PHLPP1: variants seen among roughly 807,000 people sequenced by gnomAD.
PHLPP1 encodes PH domain leucine-rich repeat-containing protein phosphatase 1.
Under a neutral mutation model 117.2 loss-of-function variants are expected in PHLPP1, and 42 were observed. The ratio of observed to expected loss-of-function variants is 0.36; its 90% CI spans 0.28 to 0.46. The LOEUF (loss-of-function observed/expected upper bound fraction) is 0.46, where lower values mean the gene tolerates loss of function less well. Ranked by LOEUF, PHLPP1 falls within the 20% of genes least tolerant of loss-of-function variation. PHLPP1 has a pLI of 1.00. For missense variants in PHLPP1, 2,084 were observed against 2,241.9 expected (o/e 0.93, Z 1.42); for synonymous variants, 1,042 against 970.7 (o/e 1.07, Z -1.37).
chr18:62,945,874 G>A (rs983366020), intron 12 of PHLPP1, among the ~76,000 whole-genome samples: 1 of 152,206 alleles, frequency 6.6e-6, no homozygotes, highest in Non-Finnish European at 1.5e-5. Flanking sequence ...CAGCAAATTG[G>A]TAGCAGAGGT....
At chr18:62,894,906 G>A in intron 4 of PHLPP1, 105 bp from the exon 5 acceptor site, 1 of 970,112 alleles carries the variant, frequency 1.0e-6, no homozygotes, top group African/African-American at 1.6e-5. Context: ...TTCCTCTTTA[G>A]TTGAATTTGG....
At chr18:62,806,389 T>G (rs998334220) in intron 1 of PHLPP1, among the ~76,000 whole-genome samples, 1 of 152,226 alleles carries the variant, frequency 6.6e-6, no homozygotes, top group Admixed American at 6.5e-5. Flanking sequence ...GATTTATGCT[T>G]GTTCTTTTCT....
chr18:62,860,542 A>G lies in PHLPP1; in HGVS notation c.2007A>G (p.Gln669=). 1 of 1,613,852 alleles carries G rather than the reference A, an allele frequency of 6.2e-7. No homozygotes were observed. Among genetic ancestry groups the G allele is most frequent in the Non-Finnish European group, 8.5e-7 (1 of 1,179,840 alleles). Residue 669 remains glutamine, a synonymous_variant, in exon 4 of 17, where the codon CAA becomes CAG. Transcript: ENST00000262719. ...ACCTCACTCATCTCAATTTAAAACA[A>G]AACTTCCTAAGGCAGAACCCTAGCC... ...SQDLTHLNLK[Q]NFLRQNPSLP...
intron 1 of PHLPP1, among the ~76,000 whole-genome samples, chr18:62,823,587 ATATAT>A (rs1914526954): frequency 6.8e-6 from 1 of 147,776 alleles, no homozygotes; most frequent in African/African-American, 2.5e-5. Context: ...ATATATCTAC[ATATAT>A]TATATATCTA....
intron 2 of PHLPP1, among the ~76,000 whole-genome samples, chr18:62,833,735 AAT>A (rs1914815246): frequency 6.6e-6 from 1 of 152,140 alleles, no homozygotes; most frequent in Admixed American, 6.5e-5. Context: ...ATTTCTCTAT[AAT>A]GTCTACTGTA....
chr18:62,873,829 AG>A (rs2144376083), intron 4 of PHLPP1, among the ~76,000 whole-genome samples: 1 of 152,348 alleles, frequency 6.6e-6, no homozygotes, highest in East Asian at 1.9e-4. Context: ...TACTAAATAA[AG>A]ATCAAAACGC....
intron 1 of PHLPP1, among the ~76,000 whole-genome samples, chr18:62,798,552 C>T (rs1281994588): frequency 6.6e-6 from 1 of 152,146 alleles, no homozygotes; most frequent in Non-Finnish European, 1.5e-5. Flanking sequence ...AAAAGAAAGA[C>T]CCTTTTAAAA....
chr18:62,918,715 G>C (rs969147942), intron 9 of PHLPP1, among the ~76,000 whole-genome samples: 1 of 152,048 alleles, frequency 6.6e-6, no homozygotes, highest in Non-Finnish European at 1.5e-5. Context: ...AACTCTTGTG[G>C]ATTGAAGGAT....
Position 62,715,934 on chromosome 18 carries a change from C to G in PHLPP1, c.251C>G (p.Pro84Arg), listed in dbSNP as rs948962744. The change falls in exon 1 of 17, where the codon CCG becomes CGG. Residue 84 changes from proline (P) to arginine (R), a missense_variant. This residue lies in a region of PHLPP1 where 719 missense variants were observed against 636.0 expected (regional missense o/e 1.13). Transcript: ENST00000262719. Reference sequence around the variant, plus strand: ...GGCGAGGCGCCGCCGGGGCCGCTGCCGGGCAGAGCGGGGGGTGCCGGGCGC... The same window carrying G: ...GGCGAGGCGCCGCCGGGGCCGCTGCGGGGCAGAGCGGGGGGTGCCGGGCGC... Reference protein sequence around the residue: ...APGEAPPGPLPGRAGGAGRRR... With the variant: ...APGEAPPGPLRGRAGGAGRRR... 7 of 1,115,322 alleles carry G rather than the reference C, an allele frequency of 6.3e-6. No homozygotes were observed. In the African/African-American group the frequency reaches 6.6e-5, roughly 11 times the overall value. 69.1% of individuals were successfully genotyped at this position (1,115,322 alleles called of 1,614,324 possible).
At position 62,901,212 on chromosome 18, in the gene PHLPP1, G is replaced by A. The variant is rs552586244; in HGVS notation, c.2445-1752G>A. On this transcript the variant is annotated intron_variant, in intron 6 of 16. Transcript: ENST00000262719. ...AGCCATTATGAAGGTTATTTGAAGT[G>A]TAGATTGGGAAGAAGATGGGACATT... Among the ~76,000 whole-genome samples the A allele has an allele frequency of 5.9e-5, 9 of 152,278 alleles. No individual in the cohort carries two copies. The East Asian group carries it at 1.5e-3, about 26-fold the overall frequency.
intron 1 of PHLPP1, among the ~76,000 whole-genome samples, chr18:62,818,242 A>AT (rs1315766402): frequency 6.6e-6 from 1 of 152,086 alleles, no homozygotes; most frequent in African/African-American, 2.4e-5. Flanking sequence ...CAGTGAAAAT[A>AT]TTTTTGGGCC....
intron 3 of PHLPP1, among the ~76,000 whole-genome samples, chr18:62,849,826 A>ATATATATATATATATATATATATATATAT (rs1371664083): frequency 4.4e-4 from 15 of 33,814 alleles, no homozygotes; most frequent in Non-Finnish European, 7.2e-4. Flanking sequence ...AAAAAAAAAA[A>ATATATATATATATATATATATATATATAT]AAAAAAATAT....
intron 1 of PHLPP1, among the ~76,000 whole-genome samples, chr18:62,761,457 C>A (rs192890669): frequency 2.2e-4 from 33 of 151,580 alleles, no homozygotes; most frequent in African/African-American, 7.0e-4. Flanking sequence ...ACGGTGAAAC[C>A]CCGTCTCTAC....
At chr18:62,775,686 T>C (rs1912931603) in intron 1 of PHLPP1, among the ~76,000 whole-genome samples, 1 of 152,238 alleles carries the variant, frequency 6.6e-6, no homozygotes, top group African/African-American at 2.4e-5. Context: ...CACTTTTAGC[T>C]ATAATTTATT....
chr18:62,723,816 T>A (rs1451483903), intron 1 of PHLPP1, among the ~76,000 whole-genome samples: 1 of 152,218 alleles, frequency 6.6e-6, no homozygotes, highest in Non-Finnish European at 1.5e-5. Context: ...TTGGCATGAC[T>A]TTGGGCATTC....
Position 62,715,874 on chromosome 18 carries a change from A to G in PHLPP1, c.191A>G (p.Asn64Ser). The G allele has an allele frequency of 1.2e-6, 1 of 812,992 alleles. No individual in the cohort carries two copies. Among genetic ancestry groups the G allele is most frequent in the Non-Finnish European group, 1.5e-6 (1 of 673,592 alleles). 50.4% of individuals were successfully genotyped at this position (812,992 alleles called of 1,614,324 possible). The change falls in exon 1 of 17, where the codon AAC becomes AGC. Residue 64 changes from asparagine (N) to serine (S), a missense_variant. Coordinates refer to ENST00000262719, the MANE Select transcript of PHLPP1 (RefSeq NM_194449.4). ...ALTPAAPSGG[N>S]GSGSGAREEA... ...ACCCCGGCGGCCCCGAGCGGCGGGAACGGCAGCGGCAGCGGGGCGCGGGAA... is the reference window on the plus strand; with the variant it reads ...ACCCCGGCGGCCCCGAGCGGCGGGAGCGGCAGCGGCAGCGGGGCGCGGGAA...
At chr18:62,833,145 G>A (rs1914799764) in intron 2 of PHLPP1, among the ~76,000 whole-genome samples, 1 of 151,982 alleles carries the variant, frequency 6.6e-6, no homozygotes, top group Admixed American at 6.6e-5. Flanking sequence ...GCGATCTTGG[G>A]TCACTGCACT....
At chr18:62,881,480 T>C (rs2069508149) in intron 4 of PHLPP1, among the ~76,000 whole-genome samples, 1 of 152,220 alleles carries the variant, frequency 6.6e-6, no homozygotes, top group African/African-American at 2.4e-5. Context: ...TGACTGTAAA[T>C]TTTAATTTTT....
At chr18:62,957,660 C>T (rs540194805) in intron 12 of PHLPP1, among the ~76,000 whole-genome samples, 9 of 150,732 alleles carry the variant, frequency 6.0e-5, no homozygotes, top group African/African-American at 1.7e-4. Flanking sequence ...CTTGCTCTGT[C>T]GCCCAGGCCA....
Sources: gnomAD v4.1 joint callset for allele counts (sites outside exome capture counted in the v4.1 genomes callset) on GRCh38, gnomAD v4.1.1 for gene constraint, gnomAD v4.1.1 regional missense constraint, MANE v1.5 for transcripts, NCBI Gene and HGNC (gene_info 2026-07-23, HGNC 2026-07-21) for gene names.